Variants in TENM3 observed in about 807,000 individuals in gnomAD.
TENM3 encodes teneurin transmembrane protein 3.
A neutral mutation model predicts 255.1 loss-of-function variants in TENM3; 63 were observed. That is an observed-to-expected ratio of 0.25 (90% CI 0.20 to 0.30). The LOEUF (loss-of-function observed/expected upper bound fraction) is 0.30. Ranked by LOEUF, TENM3 falls within the 10% of genes least tolerant of loss-of-function variation. TENM3 has a pLI of 1.00. For synonymous variants in TENM3, 1,306 were observed against 1,322.3 expected (o/e 0.99, Z 0.27); for missense variants, 2,929 against 3,461.1 (o/e 0.85, Z 3.86).
the TENM3 span, among the ~76,000 whole-genome samples, chr4:181,960,011 A>G: frequency 6.6e-6 from 1 of 152,360 alleles, no homozygotes; most frequent in South Asian, 2.1e-4. Context: ...CAAGTTACAC[A>G]GATGGAAAAT....
chr4:181,723,770 T>C, the TENM3 span, among the ~76,000 whole-genome samples: 1 of 152,160 alleles, frequency 6.6e-6, no homozygotes, highest in Admixed American at 6.5e-5. Context: ...CTGGAAATTT[T>C]ATTGAATTAT....
At chr4:182,069,919 G>A in the TENM3 span, among the ~76,000 whole-genome samples, 1 of 152,156 alleles carries the variant, frequency 6.6e-6, no homozygotes, top group Non-Finnish European at 1.5e-5. Context: ...TAATACTACA[G>A]CATGATATTT....
At chr4:182,665,128 G>T (rs1754556536) in intron 6 of TENM3, among the ~76,000 whole-genome samples, 1 of 152,156 alleles carries the variant, frequency 6.6e-6, no homozygotes, top group Non-Finnish European at 1.5e-5. Flanking sequence ...AGCTTCCAGG[G>T]ACAGGCTGAC....
chr4:181,745,555 A>G, the TENM3 span, among the ~76,000 whole-genome samples: 1 of 152,186 alleles, frequency 6.6e-6, no homozygotes, highest in Non-Finnish European at 1.5e-5. Flanking sequence ...ATGAGAGGGG[A>G]TCAGGCCTAC....
At chr4:182,316,588 C>A (rs966998327) in intron 1 of TENM3, among the ~76,000 whole-genome samples, 3 of 152,010 alleles carry the variant, frequency 2.0e-5, no homozygotes, top group African/African-American at 7.2e-5. Context: ...ACAAAATGCC[C>A]CCACTCCCAC....
intron 14 of TENM3, among the ~76,000 whole-genome samples, chr4:182,729,748 T>C (rs912599041): frequency 6.6e-6 from 1 of 152,212 alleles, no homozygotes; most frequent in Non-Finnish European, 1.5e-5. Flanking sequence ...AATGCAGTTA[T>C]AGCCAGCAGT....
At chr4:181,478,160 C>T in the TENM3 span, among the ~76,000 whole-genome samples, 1 of 152,040 alleles carries the variant, frequency 6.6e-6, no homozygotes, top group South Asian at 2.1e-4. Flanking sequence ...TATGTGTAGA[C>T]ATTCTCTTCA....
intron 3 of TENM3, among the ~76,000 whole-genome samples, chr4:182,368,444 T>G (rs1766574089): frequency 6.6e-6 from 1 of 152,206 alleles, no homozygotes; most frequent in Non-Finnish European, 1.5e-5. Flanking sequence ...CAGTAGTTTT[T>G]ATTGTCGACC....
chr4:182,212,039 A>T (rs1755077100), intron 1 of TENM3, among the ~76,000 whole-genome samples: 1 of 152,354 alleles, frequency 6.6e-6, no homozygotes, highest in South Asian at 2.1e-4. Flanking sequence ...TAAAATGTAC[A>T]ATTAGCAAAA....
chr4:182,470,180 A>G (rs1561481559), intron 3 of TENM3, among the ~76,000 whole-genome samples: 1 of 152,212 alleles, frequency 6.6e-6, no homozygotes, highest in Non-Finnish European at 1.5e-5. Flanking sequence ...TAAGCAAGTC[A>G]TTTATTAACT....
chr4:182,107,552 C>T, the TENM3 span, among the ~76,000 whole-genome samples: 7,717 of 152,278 alleles, frequency 0.051, 278 homozygotes, highest in Non-Finnish European at 0.071. Flanking sequence ...CCAAGGCCAC[C>T]TGGAGAACTG....
At chr4:182,654,117 C>T (rs1311536776) in intron 6 of TENM3, among the ~76,000 whole-genome samples, 2 of 152,030 alleles carry the variant, frequency 1.3e-5, no homozygotes, top group Non-Finnish European at 2.9e-5. Context: ...GATTTGATGG[C>T]TAGGCTTTTC....
chr4:182,119,135 G>A, the TENM3 span, among the ~76,000 whole-genome samples: 31 of 152,232 alleles, frequency 2.0e-4, no homozygotes, highest in African/African-American at 7.0e-4. Flanking sequence ...GGCTAGAGAT[G>A]AGTATTTCCC....
the TENM3 span, among the ~76,000 whole-genome samples, chr4:182,045,350 G>A: frequency 6.7e-6 from 1 of 150,272 alleles, no homozygotes; most frequent in Admixed American, 6.7e-5. Context: ...CTTAGTAGAA[G>A]CGAATTTCTA....
At chr4:182,533,178 G>A (rs772634896) in intron 3 of TENM3, among the ~76,000 whole-genome samples, 9 of 152,260 alleles carry the variant, frequency 5.9e-5, no homozygotes, top group Non-Finnish European at 1.2e-4. Flanking sequence ...TGTTTTTATG[G>A]CTAATTCTAA....
At chr4:181,674,259 A>C in the TENM3 span, among the ~76,000 whole-genome samples, 1 of 152,146 alleles carries the variant, frequency 6.6e-6, no homozygotes, top group African/African-American at 2.4e-5. Flanking sequence ...TGGCCTCCCA[A>C]AGTGCTGGGA....
At chr4:181,736,481 G>A in the TENM3 span, among the ~76,000 whole-genome samples, 1 of 151,894 alleles carries the variant, frequency 6.6e-6, no homozygotes, top group Admixed American at 6.6e-5. Flanking sequence ...AGTCCCACGA[G>A]TATAGAAAAC....
At chr4:182,169,659 A>G (rs956915710) in intron 1 of TENM3, among the ~76,000 whole-genome samples, 1 of 152,134 alleles carries the variant, frequency 6.6e-6, no homozygotes, top group African/African-American at 2.4e-5. Context: ...AGATATCTCT[A>G]CTACAGTAAT....
At chr4:181,534,258 C>T in the TENM3 span, among the ~76,000 whole-genome samples, 2 of 150,256 alleles carry the variant, frequency 1.3e-5, no homozygotes, top group Non-Finnish European at 1.5e-5. Context: ...AAAACAATTG[C>T]ATTCAGGATG....
Sources: allele counts gnomAD v4.1 joint callset (sites outside exome capture counted in the v4.1 genomes callset), GRCh38; gene constraint gnomAD v4.1.1; transcripts MANE v1.5; gene names NCBI Gene and HGNC (gene_info 2026-07-23, HGNC 2026-07-21).